SMARCAL1: variants seen among roughly 807,000 people sequenced by gnomAD.
SMARCAL1 encodes ATP-driven annealing helicase.
A neutral mutation model predicts 94.5 loss-of-function variants in SMARCAL1; 58 were observed. The ratio of observed to expected loss-of-function variants is 0.61; its 90% confidence interval spans 0.50 to 0.76. SMARCAL1 has a LOEUF of 0.76. Among genes scored for constraint, SMARCAL1 ranks in the 30% least tolerant of loss-of-function variants. SMARCAL1 has a pLI of 0.00. For missense variants in SMARCAL1, 1,051 were observed against 1,177.9 expected (o/e 0.89, Z 1.58); for synonymous variants, 422 against 455.1 (o/e 0.93, Z 0.93).
intron 2 of SMARCAL1, 54 bp downstream of exon 2, chr2:216,413,946 A>T (rs1693524408): frequency 1.3e-5 from 2 of 152,154 alleles, no homozygotes. Flanking sequence ...TCTGGTTAAA[A>T]ATGTCACCTT....
chr2:216,458,349 A>C (rs1349113065), intron 12 of SMARCAL1, among the ~76,000 whole-genome samples: 1 of 152,202 alleles, frequency 6.6e-6, no homozygotes, highest in East Asian at 1.9e-4. Flanking sequence ...CCAGCATCAT[A>C]CTGATACCAA....
At chr2:216,432,689 T>C (rs746682263) in intron 7 of SMARCAL1, 29 bp from the exon 8 acceptor site, 1 of 1,613,816 alleles carries the variant, frequency 6.2e-7, no homozygotes, top group South Asian at 1.1e-5. Context: ...CCCCGGGAAA[T>C]GTGCCATCCT....
intron 14 of SMARCAL1, among the ~76,000 whole-genome samples, chr2:216,470,469 C>G (rs56237233): frequency 1.3e-5 from 2 of 151,048 alleles, no homozygotes; most frequent in African/African-American, 4.9e-5. Flanking sequence ...TAATTGAATT[C>G]TAATAAAAAC....
chr2:216,439,213 A>G (rs1417999865), intron 10 of SMARCAL1, among the ~76,000 whole-genome samples: 2 of 151,944 alleles, frequency 1.3e-5, no homozygotes, highest in Non-Finnish European at 2.9e-5. Flanking sequence ...GTCTTTAAGC[A>G]TGTTCTGATG....
chr2:216,475,467 G>A lies in SMARCAL1; in HGVS notation c.2427+16G>A, dbSNP rs1695053432. 4 of 1,613,684 alleles carry A rather than the reference G, an allele frequency of 2.5e-6. No individual in the cohort carries two copies. Among genetic ancestry groups the A allele is most frequent in the African/African-American group, 1.3e-5 (1 of 74,916 alleles). Reference sequence around the variant, plus strand: ...GAACCCAGGGGTAAGAGACGCAGAAGACTCAGATACTCCCCAGGCATGCTC... The same window carrying A: ...GAACCCAGGGGTAAGAGACGCAGAAAACTCAGATACTCCCCAGGCATGCTC... On this transcript the variant is annotated intron_variant, in intron 15 of 17. Coordinates refer to ENST00000357276, the MANE Select transcript of SMARCAL1 (RefSeq NM_014140.4). This position sits in a 1 kb window ranked among gnomAD's most constrained non-coding sequence, Gnocchi z 4.4.
chr2:216,448,602 C>T (rs986369922), intron 11 of SMARCAL1, among the ~76,000 whole-genome samples: 2 of 152,156 alleles, frequency 1.3e-5, no homozygotes, highest in Non-Finnish European at 2.9e-5. Context: ...TTTCTTTCCA[C>T]CTAACCCAGT....
chr2:216,465,650 G>A (rs1001939358), intron 13 of SMARCAL1, among the ~76,000 whole-genome samples: 2 of 151,670 alleles, frequency 1.3e-5, no homozygotes, highest in Non-Finnish European at 2.9e-5. Flanking sequence ...TATCACTGGG[G>A]TAGAAACCTG....
chr2:216,436,402 C>T (rs368267332), intron 9 of SMARCAL1, among the ~76,000 whole-genome samples: 67 of 152,308 alleles, frequency 4.4e-4, no homozygotes, highest in African/African-American at 1.3e-3. Context: ...TGGTACCCAG[C>T]CATCTCTGTC....
At chr2:216,471,422 T>G (rs1331295541) in intron 14 of SMARCAL1, among the ~76,000 whole-genome samples, 4 of 151,480 alleles carry the variant, frequency 2.6e-5, no homozygotes, top group African/African-American at 4.9e-5. Flanking sequence ...AATGGTGCAA[T>G]CTCAGCTGAC....
chr2:216,473,921 C>A (rs1336951046), intron 14 of SMARCAL1, among the ~76,000 whole-genome samples: 2 of 151,886 alleles, frequency 1.3e-5, no homozygotes, highest in African/African-American at 2.4e-5. Context: ...TTGTAGTAGC[C>A]CCAAACTGGA....
intron 12 of SMARCAL1, among the ~76,000 whole-genome samples, chr2:216,457,444 G>A (rs1485356495): frequency 6.6e-6 from 1 of 152,144 alleles, no homozygotes; most frequent in African/African-American, 2.4e-5. Flanking sequence ...TGGAAGTAAA[G>A]CACTCCTCAG....
At chr2:216,450,709 TC>T (rs1694429402) in intron 11 of SMARCAL1, 136 bp from the exon 12 acceptor site, 2 of 653,408 alleles carry the variant, frequency 3.1e-6, no homozygotes, top group Non-Finnish European at 5.5e-6. Flanking sequence ...GGTTTATTTG[TC>T]CCTGTAAGTC....
At chr2:216,451,496 C>T (rs780614565) in intron 12 of SMARCAL1, 9 of 194,132 alleles carry the variant, frequency 4.6e-5, no homozygotes, top group Non-Finnish European at 9.8e-5. Context: ...AATAACAAGC[C>T]GACATTCTTA....
In SMARCAL1 at chr2:216,482,738, G is replaced by A; in HGVS notation, c.2626G>A (p.Asp876Asn). The change falls in exon 18 of 18, where the codon GAC becomes AAC. Residue 876 changes from aspartate to asparagine, a missense_variant and splice_region_variant. Physicochemically the swap from Asp to Asn is conservative, Grantham distance 23. Coordinates refer to ENST00000357276, the MANE Select transcript of SMARCAL1 (RefSeq NM_014140.4). This position sits in a 1 kb window ranked among gnomAD's most constrained non-coding sequence, Gnocchi z 4.3. Reference sequence around the variant, plus strand: ...CTTTTGTTTTCTTTCTCTGATGAAGGACCCAAAGCAGCAGAAGATCTACGA... The same window carrying A: ...CTTTTGTTTTCTTTCTCTGATGAAGAACCCAAAGCAGCAGAAGATCTACGA... Reference protein sequence around the residue: ...MTESTDYLYKDPKQQKIYDLF... With the variant: ...MTESTDYLYKNPKQQKIYDLF... 1 of 1,614,160 alleles carries A rather than the reference G, an allele frequency of 6.2e-7. No individual in the cohort carries two copies. Among genetic ancestry groups the A allele is most frequent in the Non-Finnish European group, 8.5e-7 (1 of 1,180,036 alleles).
Position 216,450,842 on chromosome 2 carries a change from G to A in SMARCAL1, c.1852-4G>A, listed in dbSNP as rs1347442149. ...TGGGGCTGTCGCTGTCTTGTTCTCT[G>A]CAGATGCCTTGGGGGTGGGACTACT... On this transcript the variant is annotated splice_polypyrimidine_tract_variant and splice_region_variant and intron_variant, in intron 11 of 17. Coordinates refer to ENST00000357276, the MANE Select transcript of SMARCAL1 (RefSeq NM_014140.4). The A allele has an allele frequency of 6.2e-7, 1 of 1,612,532 alleles. No homozygotes were observed. Among genetic ancestry groups the A allele is most frequent in the African/African-American group, 1.3e-5 (1 of 74,898 alleles).
intron 12 of SMARCAL1, among the ~76,000 whole-genome samples, chr2:216,461,622 G>A (rs1694706758): frequency 6.6e-6 from 1 of 152,120 alleles, no homozygotes; most frequent in Non-Finnish European, 1.5e-5. Context: ...GAGCCCAGGA[G>A]ATTGATACCA....
intron 12 of SMARCAL1, among the ~76,000 whole-genome samples, chr2:216,458,257 A>G (rs887407270): frequency 1.3e-5 from 2 of 152,252 alleles, no homozygotes; most frequent in Non-Finnish European, 2.9e-5. Flanking sequence ...CCAGAGGTAC[A>G]AGGAGGAACT....
chr2:216,422,101 A>G (rs1693735045), intron 5 of SMARCAL1, among the ~76,000 whole-genome samples: 1 of 152,060 alleles, frequency 6.6e-6, no homozygotes. Context: ...AAAGGCAACT[A>G]CGGGCCGGGT....
intron 12 of SMARCAL1, among the ~76,000 whole-genome samples, chr2:216,459,837 G>A (rs938695203): frequency 2.6e-4 from 39 of 152,132 alleles, no homozygotes; most frequent in African/African-American, 9.2e-4. Flanking sequence ...TGACAAATGG[G>A]ATCTAATTAA....
Sources: allele counts gnomAD v4.1 joint callset (sites outside exome capture counted in the v4.1 genomes callset), GRCh38; gene constraint gnomAD v4.1.1; non-coding constraint Gnocchi (gnomAD v3.1); transcripts MANE v1.5; gene names NCBI Gene and HGNC (gene_info 2026-07-23, HGNC 2026-07-21).